The following TMEM184B variants were observed in gnomAD, a reference collection of about 807,000 sequenced individuals.
TMEM184B encodes the protein transmembrane protein 184B, also known as putative MAPK-activating protein FM08.
TMEM184B carries 17 observed loss-of-function variants against 41.8 expected under a neutral mutation model. The ratio of observed to expected loss-of-function variants is 0.41; its 90% CI spans 0.28 to 0.61. The LOEUF is 0.61. TMEM184B is among the 20% of genes least tolerant of loss of function. The pLI, the probability that TMEM184B is intolerant of heterozygous loss-of-function variation, is 0.34. For missense variants in TMEM184B, 393 were observed against 557.8 expected, an observed-to-expected ratio of 0.70 and a Z score of 2.98; for synonymous variants, 240 against 229.5, an observed-to-expected ratio of 1.05 and a Z score of -0.41.
At chr22:38,228,746 T>C (rs1169700543) in intron 5 of TMEM184B, among the ~76,000 whole-genome samples, 1 of 152,200 alleles carries the variant, frequency 6.6e-6, no homozygotes, top group Non-Finnish European at 1.5e-5. Flanking sequence ...AAGAGGCCTC[T>C]TTTGTTCTCT....
intron 1 of TMEM184B, among the ~76,000 whole-genome samples, chr22:38,271,874 C>T (rs147869151): frequency 6.6e-6 from 1 of 152,304 alleles, no homozygotes; most frequent in East Asian, 1.9e-4. Context: ...TGGAAAGGGA[C>T]ACTGTAGGCA....
Position 38,270,480 on chromosome 22 carries a change from G to A in TMEM184B, c.-59+2404C>T, listed in dbSNP as rs531732326. Among the ~76,000 whole-genome samples, 4 of 152,198 alleles carry A rather than the reference G, an allele frequency of 2.6e-5. No homozygotes were observed. The South Asian group carries it at 8.3e-4, about 32-fold the overall frequency. ...CCTATTGTCCTCTGGGCCCCTTTAG[G>A]GCCCTCTGTTTCCACCACAAGTAGG... On this transcript the variant is annotated intron_variant, in intron 1 of 8. Coordinates refer to ENST00000361906, the MANE Select transcript of TMEM184B (RefSeq NM_012264.5).
At chr22:38,261,735 G>A (rs1452308428) in intron 1 of TMEM184B, among the ~76,000 whole-genome samples, 1 of 152,170 alleles carries the variant, frequency 6.6e-6, no homozygotes, top group Non-Finnish European at 1.5e-5. Flanking sequence ...GCACTGAGCG[G>A]ATAGGTCCCC....
At chr22:38,245,912 C>T (rs1274565148) in intron 3 of TMEM184B, 23 bp downstream of exon 3, 3 of 1,422,584 alleles carry the variant, frequency 2.1e-6, no homozygotes, top group East Asian at 5.1e-5. Context: ...CGCCAGCCCT[C>T]CCCACTCCGT....
At chr22:38,234,463 A>G (rs1370613554) in intron 3 of TMEM184B, among the ~76,000 whole-genome samples, 1 of 152,122 alleles carries the variant, frequency 6.6e-6, no homozygotes, top group East Asian at 1.9e-4. Context: ...GGGACAAACT[A>G]TCTCCCCTGC....
In TMEM184B at chr22:38,230,860, G is replaced by GCCCAGA; in HGVS notation, c.450-117_450-116insTCTGGG. 4.9e-6 allele frequency: 5 copies of GCCCAGA among 1,019,432 alleles called. No individual in the cohort carries two copies. In the South Asian group the frequency reaches 6.9e-5, roughly 14 times the overall value. 63.1% of individuals were successfully genotyped at this position (1,019,432 alleles called of 1,614,324 possible). ...CCAGACGAGCTGGGGCACACATTCTGGGCAGACTTTGAACCCGAGGCCAAG... is the reference window on the plus strand; with the variant it reads ...CCAGACGAGCTGGGGCACACATTCTGCCCAGAGGCAGACTTTGAACCCGAGGCCAAG... On this transcript the variant is annotated intron_variant, in intron 4 of 8. Coordinates refer to ENST00000361906, the MANE Select transcript of TMEM184B (RefSeq NM_012264.5).
intron 1 of TMEM184B, among the ~76,000 whole-genome samples, chr22:38,262,257 G>C (rs546719522): frequency 6.6e-6 from 1 of 152,338 alleles, no homozygotes; most frequent in Non-Finnish European, 1.5e-5. Context: ...CGAAGAGCGA[G>C]TGGCCAGGAG....
chr22:38,271,271 G>A (rs901666191), intron 1 of TMEM184B, among the ~76,000 whole-genome samples: 1 of 152,200 alleles, frequency 6.6e-6, no homozygotes, highest in Non-Finnish European at 1.5e-5. Flanking sequence ...CCCCAGCATA[G>A]TGCCTGGCAC....
rs775711453 is a variant in TMEM184B, at chr22:38,221,543, A to C, written c.1150T>G (p.Ser384Ala). 5 of 1,613,856 alleles carry C rather than the reference A, an allele frequency of 3.1e-6. 1 individual carries two copies. The South Asian group carries it at 4.4e-5, about 14-fold the overall frequency. Residue 384 changes from serine (S) to alanine (A), a missense_variant, in exon 9 of 9, where the codon TCC becomes GCC. This residue lies in a region of TMEM184B where 271 missense variants were observed against 434.1 expected (regional missense o/e 0.62). Coordinates refer to ENST00000361906, the MANE Select transcript of TMEM184B (RefSeq NM_012264.5). The part of the protein sequence containing the change: ...PTWRGGAHGL[S>A]RSHSLSGARD... ...GCGCCACTGAGGCTGTGGGAGCGGG[A>C]GAGGCCGTGGGCGCCACCACGCCAG...
chr22:38,219,566 G>A lies in TMEM184B; in HGVS notation c.*1903C>T, dbSNP rs1248462962. Reference sequence around the variant, plus strand: ...GACAAGGTAGGTTATGCATCCTAAGGAGGAGGAGGGGATGGAGCGGTCGGG... The same window carrying A: ...GACAAGGTAGGTTATGCATCCTAAGAAGGAGGAGGGGATGGAGCGGTCGGG... On this transcript the variant is annotated 3_prime_UTR_variant, in exon 9 of 9. Transcript: ENST00000361906. The A allele has an allele frequency of 4.1e-6, 4 of 978,564 alleles. No individual in the cohort carries two copies. Among genetic ancestry groups the A allele is most frequent in the Non-Finnish European group, 4.9e-6 (4 of 823,584 alleles). The allele number at this position is 978,564 out of a possible 1,614,324, so 60.6% of individuals were successfully genotyped here. A position where few individuals can be genotyped will look rare whatever the true frequency, so the allele number is the denominator to read the frequency against.
At position 38,220,467 on chromosome 22, in the gene TMEM184B, T is replaced by C. The variant is rs1210443675; in HGVS notation, c.*1002A>G. 1.6e-5 allele frequency: 16 copies of C among 985,622 alleles called. No homozygotes were observed. Among genetic ancestry groups the C allele is most frequent in the African/African-American group, 5.2e-5 (3 of 57,166 alleles). 61.1% of individuals were successfully genotyped at this position (985,622 alleles called of 1,614,324 possible). A position where few individuals can be genotyped will look rare whatever the true frequency, so the allele number is the denominator to read the frequency against. On this transcript the variant is annotated 3_prime_UTR_variant, in exon 9 of 9. Coordinates refer to ENST00000361906, the MANE Select transcript of TMEM184B (RefSeq NM_012264.5). The stretch of plus-strand genomic sequence containing the variant: ...GGGCCCCGAGAGGAGTCTGGGACCA[T>C]TCCCCCCACCTCCCAGCTCCCCACT...
intron 1 of TMEM184B, among the ~76,000 whole-genome samples, chr22:38,263,400 G>A (rs560240523): frequency 1.6e-4 from 24 of 152,196 alleles, no homozygotes; most frequent in African/African-American, 5.8e-4. Context: ...CTTTTACACT[G>A]ATGGCAGCTC....
chr22:38,240,382 G>T (rs959661291), intron 3 of TMEM184B, among the ~76,000 whole-genome samples: 1 of 151,726 alleles, frequency 6.6e-6, no homozygotes, highest in African/African-American at 2.4e-5. Context: ...TCAAAGGTAA[G>T]ATTAAAAAAA....
At chr22:38,246,888 G>T in intron 2 of TMEM184B, 3 of 1,301,578 alleles carry the variant, frequency 2.3e-6, no homozygotes, top group Non-Finnish European at 2.0e-6. Flanking sequence ...GCCCTGGGCT[G>T]GGGAGGAAAA....
rs1040590389 is a variant in TMEM184B, at chr22:38,272,903, G to A, written c.-78C>T. 3 of 753,820 alleles carry A rather than the reference G, an allele frequency of 4.0e-6. No homozygotes were observed. Among genetic ancestry groups the A allele is most frequent in the Non-Finnish European group, 4.8e-6 (3 of 618,622 alleles). The allele number at this position is 753,820 out of a possible 1,614,324, so 46.7% of individuals were successfully genotyped here. ...GGATACCTCAGGAGCCCATGGCGGT[G>A]GCGGCGTCTGCGGACGATGCGCGGC... On this transcript the variant is annotated 5_prime_UTR_variant, in exon 1 of 9. Coordinates refer to ENST00000361906, the MANE Select transcript of TMEM184B (RefSeq NM_012264.5).
At chr22:38,236,414 T>A (rs1273015894) in intron 3 of TMEM184B, among the ~76,000 whole-genome samples, 4 of 152,128 alleles carry the variant, frequency 2.6e-5, no homozygotes, top group Admixed American at 2.6e-4. Flanking sequence ...CAGGGGCAGA[T>A]GGGACTCCCA....
In TMEM184B at chr22:38,226,223, G is replaced by A. The variant is rs913133143; in HGVS notation, c.617+556C>T. On this transcript the variant is annotated intron_variant, in intron 6 of 8. Transcript: ENST00000361906. The surrounding 1 kb of genome is among the most constrained non-coding windows in gnomAD (Gnocchi z 4.6). ...GCCTCCCGAGTAGCTGGGATTATAG[G>A]CACCCGTCACCACGCCCGGTTAATT... 2.0e-5 allele frequency among the ~76,000 whole-genome samples: 3 copies of A among 152,050 alleles called. No individual in the cohort carries two copies. The highest frequency in any genetic ancestry group is 2.9e-5 in the Non-Finnish European group (2 of 68,014).
intron 3 of TMEM184B, among the ~76,000 whole-genome samples, chr22:38,243,048 C>CAAAA (rs11394732): frequency 2.7e-4 from 23 of 84,448 alleles, no homozygotes; most frequent in African/African-American, 7.9e-4. Flanking sequence ...GCAACGGTCT[C>CAAAA]AAAAAAAAAA....
chr22:38,241,897 A>AAAAAAAAAAAAAAC (rs1489337466), intron 3 of TMEM184B, among the ~76,000 whole-genome samples: 2 of 149,754 alleles, frequency 1.3e-5, no homozygotes, highest in Non-Finnish European at 3.0e-5. Flanking sequence ...AAAAAAAAAA[A>AAAAAAAAAAAAAAC]AAAAAAAAAA....
Sources: gnomAD v4.1 joint callset for allele counts (sites outside exome capture counted in the v4.1 genomes callset) on GRCh38, gnomAD v4.1.1 for gene constraint, gnomAD v4.1.1 regional missense constraint, Gnocchi (gnomAD v3.1) non-coding constraint, MANE v1.5 for transcripts, NCBI Gene and HGNC (gene_info 2026-07-23, HGNC 2026-07-21) for gene names.